EIF4E3: variants seen among roughly 807,000 people sequenced by gnomAD.
The protein encoded by EIF4E3 is eukaryotic translation initiation factor 4E type 3.
Under a neutral mutation model 31.7 loss-of-function variants are expected in EIF4E3, and 26 were observed. That is an observed-to-expected ratio of 0.82 (90% CI 0.60 to 1.14). The LOEUF (loss-of-function observed/expected upper bound fraction) is 1.14. Among genes scored for constraint, EIF4E3 ranks in the 50% most tolerant of loss-of-function variants. EIF4E3 has a pLI of 0.00. For missense variants in EIF4E3, 304 were observed against 270.9 expected (o/e 1.12, Z -0.86); for synonymous variants, 128 against 107.7 (o/e 1.19, Z -1.17).
chr3:71,689,954 CT>C, intron 6 of EIF4E3, 55 bp downstream of exon 6: 2 of 1,409,008 alleles, frequency 1.4e-6, no homozygotes, highest in Middle Eastern at 2.1e-4. Context: ...CAGTTTCTAT[CT>C]TTAAAAGTAT....
At chr3:71,700,126 G>A (rs2049194898) in intron 2 of EIF4E3, among the ~76,000 whole-genome samples, 3 of 152,156 alleles carry the variant, frequency 2.0e-5, no homozygotes, top group Admixed American at 1.3e-4. Flanking sequence ...AGTGAGCCAA[G>A]ATCGCACCAC....
chr3:71,672,729 A>C (rs972458814), downstream of EIF4E3, among the ~76,000 whole-genome samples: 1 of 152,162 alleles, frequency 6.6e-6, no homozygotes, highest in Non-Finnish European at 1.5e-5. Context: ...AGTGGTGCCG[A>C]ATCGAACAAG....
chr3:71,685,550 T>TG lies in EIF4E3; in HGVS notation c.629-823dup, dbSNP rs1470599733. On this transcript the variant is annotated intron_variant, in intron 6 of 6. Transcript: ENST00000425534. ...CTAATTTTTGTATTTTTGGTAGAGA[T>TG]GGGGGTCTCACCATGTTGGACAGGC... is the stretch of plus-strand genomic sequence containing the variant. Among the ~76,000 whole-genome samples, 3 of 152,148 alleles carry TG rather than the reference T, an allele frequency of 2.0e-5. No individual in the cohort carries two copies. The East Asian group carries it at 5.8e-4, about 30-fold the overall frequency.
intron 1 of EIF4E3, among the ~76,000 whole-genome samples, chr3:71,723,031 T>G (rs1578374033): frequency 6.6e-6 from 1 of 152,146 alleles, no homozygotes; most frequent in African/African-American, 2.4e-5. Context: ...GGCCGGGAGG[T>G]AGGATGCCAA....
At chr3:71,721,128 G>A (rs767477692) in intron 1 of EIF4E3, among the ~76,000 whole-genome samples, 23 of 152,198 alleles carry the variant, frequency 1.5e-4, no homozygotes, top group Non-Finnish European at 2.6e-4. Flanking sequence ...CCAGAACTCC[G>A]AAGAGAGCTG....
chr3:71,725,882 C>T (rs1199524037), upstream of EIF4E3, among the ~76,000 whole-genome samples: 1 of 152,062 alleles, frequency 6.6e-6, no homozygotes, highest in Non-Finnish European at 1.5e-5. This position sits in a 1 kb window ranked among gnomAD's most constrained non-coding sequence, Gnocchi z 6.1. Flanking sequence ...GGAGTGAAGG[C>T]TGGCAGATGG....
chr3:71,749,344 A>C (rs2049903990), intron 1 of EIF4E3, among the ~76,000 whole-genome samples: 1 of 152,202 alleles, frequency 6.6e-6, no homozygotes, highest in Admixed American at 6.5e-5. Context: ...GCCCACTTTC[A>C]TTGTCAAAGT....
intron 1 of EIF4E3, among the ~76,000 whole-genome samples, chr3:71,737,356 G>A (rs987187846): frequency 3.9e-5 from 6 of 152,158 alleles, no homozygotes; most frequent in Non-Finnish European, 8.8e-5. Flanking sequence ...AATATCTGGT[G>A]TACAAAACAT....
Position 71,725,107 on chromosome 3 carries a change from G to A in EIF4E3, c.176+85C>T. On this transcript the variant is annotated intron_variant, in intron 1 of 6. Transcript: ENST00000425534. The surrounding 1 kb of genome is among the most constrained non-coding windows in gnomAD (Gnocchi z 6.1). Reference sequence around the variant, plus strand: ...TCTGTGCCACAGCGGAGCGGGGCCGGGGCGAGGGGCCGCGCCGAGACAAAG... The same window carrying A: ...TCTGTGCCACAGCGGAGCGGGGCCGAGGCGAGGGGCCGCGCCGAGACAAAG... 2.1e-6 allele frequency: 2 copies of A among 949,154 alleles called. No individual in the cohort carries two copies. Among genetic ancestry groups the A allele is most frequent in the Non-Finnish European group, 2.5e-6 (2 of 792,026 alleles). The allele number at this position is 949,154 out of a possible 1,614,324, so 58.8% of individuals were successfully genotyped here.
chr3:71,708,076 G>T (rs1391047350), intron 2 of EIF4E3, among the ~76,000 whole-genome samples: 1 of 152,046 alleles, frequency 6.6e-6, no homozygotes, highest in Non-Finnish European at 1.5e-5. Context: ...GTTTCACCTT[G>T]TTGCTCAGGC....
chr3:71,725,231 C>A lies in EIF4E3; in HGVS notation c.137G>T (p.Gly46Val). ...GGTCCAGGACGAGTGCAGCGGGACC[C>A]CGCCCGGCTCAGGCTGCAGCGCCGA... ...QLSALQPEPG[G>V]VPLHSSWTFW... The change falls in exon 1 of 7, where the codon GGG (glycine) becomes GTG (valine). Residue 46 changes from glycine (G) to valine (V), a missense_variant. Gly to Val is a moderately radical substitution (Grantham distance 109). Transcript: ENST00000425534. The surrounding 1 kb of genome is among the most constrained non-coding windows in gnomAD (Gnocchi z 6.1). 1 of 1,132,110 alleles carries A rather than the reference C, an allele frequency of 8.8e-7. No homozygotes were observed. The highest frequency in any genetic ancestry group is 2.4e-5 in the South Asian group (1 of 42,052). The allele number at this position is 1,132,110 out of a possible 1,614,324, so 70.1% of individuals were successfully genotyped here.
At chr3:71,689,915 G>T in intron 6 of EIF4E3, 95 bp downstream of exon 6, 1 of 1,173,824 alleles carries the variant, frequency 8.5e-7, no homozygotes. Context: ...CAAATTTCAA[G>T]TAAATCTGCC....
chr3:71,725,046 C>T lies in EIF4E3; in HGVS notation c.176+146G>A, dbSNP rs1208395642. On this transcript the variant is annotated intron_variant, in intron 1 of 6. Transcript: ENST00000425534. This position sits in a 1 kb window ranked among gnomAD's most constrained non-coding sequence, Gnocchi z 6.1. ...GGCTTCCGACCCGGCGGGGCGAGTC[C>T]CGGGGTGCGCAGGCGGACGCGCGGA... 1.7e-6 allele frequency: 1 copy of T among 598,692 alleles called. No individual in the cohort carries two copies. The highest frequency in any genetic ancestry group is 6.1e-5 in the Admixed American group (1 of 16,314). 37.1% of individuals were successfully genotyped at this position (598,692 alleles called of 1,614,324 possible). A position where few individuals can be genotyped will look rare whatever the true frequency, so the allele number is the denominator to read the frequency against.
At chr3:71,710,749 T>C (rs763450814) in intron 1 of EIF4E3, among the ~76,000 whole-genome samples, 1 of 152,166 alleles carries the variant, frequency 6.6e-6, no homozygotes, top group Non-Finnish European at 1.5e-5. Context: ...AGAAAGGGAA[T>C]GGACACCTGA....
At chr3:71,704,356 C>T (rs748648805) in intron 2 of EIF4E3, among the ~76,000 whole-genome samples, 4 of 152,200 alleles carry the variant, frequency 2.6e-5, no homozygotes, top group Non-Finnish European at 5.9e-5. Flanking sequence ...GTGGAACCTG[C>T]TTCCTGGTAC....
intron 2 of EIF4E3, among the ~76,000 whole-genome samples, chr3:71,706,559 G>A (rs1469366528): frequency 6.6e-6 from 1 of 152,180 alleles, no homozygotes; most frequent in Non-Finnish European, 1.5e-5. Context: ...GTTCATGCCT[G>A]TAATCTGAGC....
intron 2 of EIF4E3, among the ~76,000 whole-genome samples, chr3:71,703,505 G>A (rs899299856): frequency 6.6e-6 from 1 of 152,160 alleles, no homozygotes; most frequent in Non-Finnish European, 1.5e-5. Flanking sequence ...GCACTTGCTA[G>A]GCCTAAGGAA....
At chr3:71,685,780 A>G (rs2048983142) in intron 6 of EIF4E3, among the ~76,000 whole-genome samples, 1 of 152,238 alleles carries the variant, frequency 6.6e-6, no homozygotes, top group Admixed American at 6.5e-5. Flanking sequence ...TCTCTAAGGC[A>G]AAAGACTGAG....
In EIF4E3 at chr3:71,709,256, T is replaced by C. The variant is rs2049340441; in HGVS notation, c.249+1156A>G. 2.6e-5 allele frequency among the ~76,000 whole-genome samples: 4 copies of C among 152,350 alleles called. No individual in the cohort carries two copies. In the South Asian group the frequency reaches 8.3e-4, roughly 32 times the overall value. On this transcript the variant is annotated intron_variant, in intron 2 of 6. Coordinates refer to ENST00000425534, the MANE Select transcript of EIF4E3 (RefSeq NM_001134651.2). ...AGAAAATTTATGGACATATGGTCAA[T>C]GCAACTCTGAAGCAGCCACAATAGC...
Sources: allele counts gnomAD v4.1 joint callset (sites outside exome capture counted in the v4.1 genomes callset), GRCh38; gene constraint gnomAD v4.1.1; non-coding constraint Gnocchi (gnomAD v3.1); transcripts MANE v1.5; gene names NCBI Gene and HGNC (gene_info 2026-07-23, HGNC 2026-07-21).